ZNF646: variants seen among roughly 807,000 people sequenced by gnomAD.
The protein encoded by ZNF646 is zinc finger protein 646.
A neutral mutation model predicts 115.4 loss-of-function variants in ZNF646; 49 were observed. The ratio of observed to expected loss-of-function variants is 0.42; its 90% CI spans 0.34 to 0.54. ZNF646 has a LOEUF of 0.54. ZNF646 is among the 20% of genes least tolerant of loss of function. ZNF646 has a pLI of 0.04. For synonymous variants in ZNF646, 933 were observed against 939.0 expected (o/e 0.99, Z 0.12); for missense variants, 2,269 against 2,457.9 (o/e 0.92, Z 1.62).
In ZNF646 at chr16:31,080,026, C is replaced by T. The variant is rs1203711883; in HGVS notation, c.3702C>T (p.Ala1234=). ...AGACCGGCCACTTTGGCTGTCAGGC[C>T]TGCTCCAAGGGCTTCTCAAACCTCA... ...SHQTGHFGCQ[A]CSKGFSNLMS... is the part of the protein sequence containing the mutation. The change falls in exon 2 of 3, where the codon GCC becomes GCT. Residue 1234 remains alanine, a synonymous_variant. Coordinates refer to ENST00000300850, the MANE Select transcript of ZNF646 (RefSeq NM_014699.4). 3.7e-6 allele frequency: 6 copies of T among 1,606,928 alleles called. No individual in the cohort carries two copies. The Admixed American group carries it at 5.0e-5, about 13-fold the overall frequency.
intron 1 of ZNF646, 117 bp from the exon 2 acceptor site, chr16:31,076,129 C>T: frequency 1.6e-6 from 1 of 625,542 alleles, no homozygotes; most frequent in East Asian, 3.0e-5. Context: ...GAAATTAGGT[C>T]CTTGGGCATG....
In ZNF646 at chr16:31,080,597, C is replaced by A; in HGVS notation, c.4273C>A (p.Pro1425Thr). The change falls in exon 2 of 3, where the codon CCA (proline) becomes ACA (threonine). Residue 1425 changes from proline to threonine, a missense_variant. Pro to Thr is a conservative substitution (Grantham distance 38). Around this residue, in one of 5 missense-constraint regions of ZNF646, gnomAD observed 1,062 missense variants for 1,172.8 expected, o/e 0.91. Transcript: ENST00000300850. The stretch of plus-strand genomic sequence containing the variant: ...AGAGACCCAATTGGGTGGTGCTGAG[C>A]CAGTACCCCACTTGGAGGATGGAGT... ...GLETQLGGAE[P>T]VPHLEDGVPR... 1 of 1,614,100 alleles carries A rather than the reference C, an allele frequency of 6.2e-7. No homozygotes were observed. The highest frequency in any genetic ancestry group is 1.1e-5 in the South Asian group (1 of 91,082).
At chr16:31,074,238 G>A (rs907239229), upstream of ZNF646, 4 of 152,312 alleles carry the variant, frequency 2.6e-5, no homozygotes, top group African/African-American at 4.8e-5. Flanking sequence ...CGGAAGTGTG[G>A]CTAGCTTAGC....
Position 31,078,497 on chromosome 16 carries a change from A to G in ZNF646, c.2173A>G (p.Ser725Gly). The change falls in exon 2 of 3, where the codon AGT becomes GGT. Residue 725 changes from serine to glycine, a missense_variant. By Grantham distance (56) the Ser-to-Gly change is moderately conservative (BLOSUM62 0). This residue lies in a region of ZNF646 where 852 missense variants were observed against 900.2 expected (regional missense o/e 0.95). Transcript: ENST00000300850. The part of the protein sequence containing the change: ...SPHGAEGNLE[S>G]DGDCLQAESE... ...TCATGGGGCTGAAGGCAACCTGGAA[A>G]GTGATGGGGACTGTTTGCAGGCTGA... is the stretch of plus-strand genomic sequence containing the variant. 1.3e-6 allele frequency: 2 copies of G among 1,589,752 alleles called. No homozygotes were observed. Among genetic ancestry groups the G allele is most frequent in the Non-Finnish European group, 1.7e-6 (2 of 1,165,374 alleles).
chr16:31,079,108 A>G lies in ZNF646; in HGVS notation c.2784A>G (p.Ala928=). Residue 928 remains alanine (A), a synonymous_variant, in exon 2 of 3, where the codon GCA becomes GCG. Coordinates refer to ENST00000300850, the MANE Select transcript of ZNF646 (RefSeq NM_014699.4). This position sits in a 1 kb window ranked among gnomAD's most constrained non-coding sequence, Gnocchi z 5.5. Reference sequence around the variant, plus strand: ...AAGGAGTGGCAGAGGCAGCCCCTGCACGCAGTCCACCACTGCAGCTCTCGG... The same window carrying G: ...AAGGAGTGGCAGAGGCAGCCCCTGCGCGCAGTCCACCACTGCAGCTCTCGG... The part of the protein sequence containing the change: ...EEEGVAEAAP[A]RSPPLQLSEA... 6.3e-7 allele frequency: 1 copy of G among 1,585,948 alleles called. No individual in the cohort carries two copies. Among genetic ancestry groups the G allele is most frequent in the Non-Finnish European group, 8.6e-7 (1 of 1,162,888 alleles).
Position 31,083,102 on chromosome 16 carries a change from C to G in ZNF646, c.*10C>G. 18 of 1,602,234 alleles carry G rather than the reference C, an allele frequency of 1.1e-5. No individual in the cohort carries two copies. Among genetic ancestry groups the G allele is most frequent in the Non-Finnish European group, 1.5e-5 (18 of 1,175,376 alleles). On this transcript the variant is annotated 3_prime_UTR_variant, in exon 3 of 3. Transcript: ENST00000300850. ...CAGCTTCTCCCTCTGAACTTCAAGT[C>G]TCCAAAGATCAGAATCTGGGGGAGG...
Position 31,079,130 on chromosome 16 carries a change from T to C in ZNF646, c.2806T>C (p.Ser936Pro). 2 of 1,603,170 alleles carry C rather than the reference T, an allele frequency of 1.2e-6. No homozygotes were observed. Among genetic ancestry groups the C allele is most frequent in the Non-Finnish European group, 1.7e-6 (2 of 1,173,472 alleles). Residue 936 changes from serine to proline, a missense_variant, in exon 2 of 3, where the codon TCG (serine) becomes CCG (proline). Ser to Pro is a moderately conservative substitution (Grantham distance 74, BLOSUM62 -1). Coordinates refer to ENST00000300850, the MANE Select transcript of ZNF646 (RefSeq NM_014699.4). This position sits in a 1 kb window ranked among gnomAD's most constrained non-coding sequence, Gnocchi z 5.5. Reference sequence around the variant, plus strand: ...TGCACGCAGTCCACCACTGCAGCTCTCGGAAGCAGAGCTGCTGAATCAGCT... The same window carrying C: ...TGCACGCAGTCCACCACTGCAGCTCCCGGAAGCAGAGCTGCTGAATCAGCT... ...APARSPPLQL[S>P]EAELLNQLQR...
rs1445916974 is a variant in ZNF646 at position 31,079,955 on chromosome 16, TC to T, written c.3633del (p.Tyr1212ThrfsTer104). The T allele has an allele frequency of 6.2e-7, 1 of 1,610,632 alleles. No individual in the cohort carries two copies. The highest frequency in any genetic ancestry group is 1.1e-5 in the South Asian group (1 of 90,994). ...RPFSCEVCGR[S>X]YKHAGSLINH... is the part of the protein sequence containing the mutation. ...CTTCAGCTGCGAGGTGTGTGGCCGATCCTACAAGCACGCCGGCAGCCTCATC... is the reference window on the plus strand; with the variant it reads ...CTTCAGCTGCGAGGTGTGTGGCCGATCTACAAGCACGCCGGCAGCCTCATC... On this transcript the variant is annotated frameshift_variant, in exon 2 of 3. Transcript: ENST00000300850. LOFTEE classifies it high-confidence loss of function. The surrounding 1 kb of genome is among the most constrained non-coding windows in gnomAD (Gnocchi z 5.5).
rs777313082 is a variant in ZNF646, at chr16:31,076,882, C to G, written c.558C>G (p.Gly186=). The change falls in exon 2 of 3, where the codon GGC becomes GGG. Residue 186 remains glycine (G), a synonymous_variant. Coordinates refer to ENST00000300850, the MANE Select transcript of ZNF646 (RefSeq NM_014699.4). ...SHPGPEDGAD[G]WGPSTNSARA... is the part of the protein sequence containing the mutation. ...CAGGTCCTGAGGATGGTGCAGACGG[C>G]TGGGGACCCTCCACTAACTCTGCCA... 14 of 1,613,978 alleles carry G rather than the reference C, an allele frequency of 8.7e-6. No individual in the cohort carries two copies. The African/African-American group carries it at 1.9e-4, about 22-fold the overall frequency.
At position 31,080,812 on chromosome 16, in the gene ZNF646, T is replaced by A. The variant is rs748886066; in HGVS notation, c.4488T>A (p.Ser1496Arg). The A allele has an allele frequency of 6.2e-7, 1 of 1,613,792 alleles. No individual in the cohort carries two copies. Among genetic ancestry groups the A allele is most frequent in the South Asian group, 1.1e-5 (1 of 91,080 alleles). ...AGCCAGAGGACAGTGTCCACAGGAG[T>A]CCTTGCCACGCTGGTGACTGCCAGC... ...SEEPEDSVHR[S>R]PCHAGDCQLN... is the part of the protein sequence containing the mutation. Residue 1496 changes from serine to arginine, a missense_variant, in exon 2 of 3, where the codon AGT becomes AGA. Ser to Arg is a moderately radical substitution (Grantham distance 110). This residue lies in a region of ZNF646 where 1,062 missense variants were observed against 1,172.8 expected (regional missense o/e 0.91). Coordinates refer to ENST00000300850, the MANE Select transcript of ZNF646 (RefSeq NM_014699.4).
In ZNF646 at chr16:31,079,040, T is replaced by A. The variant is rs149125224; in HGVS notation, c.2716T>A (p.Ser906Thr). The change falls in exon 2 of 3, where the codon TCC becomes ACC. Residue 906 changes from serine to threonine, a missense_variant. This residue lies in a region of ZNF646 where 852 missense variants were observed against 900.2 expected (regional missense o/e 0.95). Transcript: ENST00000300850. The surrounding 1 kb of genome is among the most constrained non-coding windows in gnomAD (Gnocchi z 5.5). ...GCTTCACCGGCGCCAGGCCCACAGC[T>A]CCTCTGGCATGACTGAGGGCTCAGA... is the stretch of plus-strand genomic sequence containing the variant. Reference protein sequence around the residue: ...YRLHRRQAHSSSGMTEGSEEE... With the variant: ...YRLHRRQAHSTSGMTEGSEEE... 48 of 1,581,652 alleles carry A rather than the reference T, an allele frequency of 3.0e-5. No homozygotes were observed. The highest frequency in any genetic ancestry group is 2.9e-4 in the East Asian group (13 of 44,428).
rs2057198139 is a variant in ZNF646, at chr16:31,083,951, C to T, written c.*859C>T. ...CTGAGGCTCAAAGCGGTTGAGCAGC[C>T]TGCTCCAAGTCACACGATGACAAAG... On this transcript the variant is annotated 3_prime_UTR_variant, in exon 3 of 3. Transcript: ENST00000300850. 7.2e-6 allele frequency: 11 copies of T among 1,518,538 alleles called. No individual in the cohort carries two copies. In the Admixed American group the frequency reaches 2.3e-4, roughly 31 times the overall value. The allele number at this position is 1,518,538 out of a possible 1,614,324, so 94.1% of individuals were successfully genotyped here.
chr16:31,083,926 CTGAG>C lies in ZNF646; in HGVS notation c.*835_*838del, dbSNP rs1216902073. ...TTGGCCGCCATGACAGATGAGAATA[CTGAG>C]GCTCAAAGCGGTTGAGCAGCCTGCT... On this transcript the variant is annotated 3_prime_UTR_variant, in exon 3 of 3. Coordinates refer to ENST00000300850, the MANE Select transcript of ZNF646 (RefSeq NM_014699.4). 5.9e-6 allele frequency: 9 copies of C among 1,537,336 alleles called. No homozygotes were observed. The highest frequency in any genetic ancestry group is 1.4e-5 in the African/African-American group (1 of 73,134).
Position 31,081,245 on chromosome 16 carries a change from G to T in ZNF646, c.4921G>T (p.Ala1641Ser), listed in dbSNP as rs1227205702. The T allele has an allele frequency of 6.3e-7, 1 of 1,598,662 alleles. No homozygotes were observed. Among genetic ancestry groups the T allele is most frequent in the Non-Finnish European group, 8.5e-7 (1 of 1,171,130 alleles). Reference sequence around the variant, plus strand: ...GGTGGTTCTCCCTGGTCAAGGGAAAGCCCAGGAGGCCCCATCAGAAACCCC... The same window carrying T: ...GGTGGTTCTCCCTGGTCAAGGGAAATCCCAGGAGGCCCCATCAGAAACCCC... ...DQVVLPGQGK[A>S]QEAPSETPRG... Residue 1641 changes from alanine (A) to serine (S), a missense_variant, in exon 2 of 3, where the codon GCC becomes TCC. This residue lies in a region of ZNF646 where 1,062 missense variants were observed against 1,172.8 expected (regional missense o/e 0.91). Coordinates refer to ENST00000300850, the MANE Select transcript of ZNF646 (RefSeq NM_014699.4).
chr16:31,076,524 G>A lies in ZNF646; in HGVS notation c.200G>A (p.Arg67His), dbSNP rs755048148. ...YRHPGSLVNHRRTHETGLFPC... is the reference protein window; with the variant it reads ...YRHPGSLVNHHRTHETGLFPC... The stretch of plus-strand genomic sequence containing the variant: ...CACCCCGGGAGCCTGGTTAACCATC[G>A]TCGGACCCACGAGACTGGCCTTTTC... Residue 67 changes from arginine to histidine, a missense_variant, in exon 2 of 3, where the codon CGT becomes CAT. Transcript: ENST00000300850. The A allele has an allele frequency of 1.1e-5, 18 of 1,613,352 alleles. No individual in the cohort carries two copies. The highest frequency in any genetic ancestry group is 2.2e-5 in the South Asian group (2 of 91,076).
chr16:31,075,986 G>A (rs1029663074), intron 1 of ZNF646: 1 of 250,348 alleles, frequency 4.0e-6, no homozygotes, highest in South Asian at 1.2e-4. Flanking sequence ...TCAGAAGTAG[G>A]TTGCATCTCT....
rs2057075741 is a variant in ZNF646, at chr16:31,076,393, C to T, written c.69C>T (p.Leu23=). The T allele has an allele frequency of 2.5e-6, 4 of 1,613,972 alleles. No homozygotes were observed. The highest frequency in any genetic ancestry group is 1.3e-5 in the African/African-American group (1 of 74,906). ...CQRHFPSLPE[L]SRHRELLHPS... ...GCCACTTTCCCAGCCTCCCAGAGCTCTCTCGGCACCGAGAACTGCTCCATC... is the reference window on the plus strand; with the variant it reads ...GCCACTTTCCCAGCCTCCCAGAGCTTTCTCGGCACCGAGAACTGCTCCATC... The change falls in exon 2 of 3, where the codon CTC becomes CTT. Residue 23 remains leucine (L), a synonymous_variant. Transcript: ENST00000300850.
At chr16:31,073,212 G>A (rs976028808), upstream of ZNF646, 1 of 152,466 alleles carries the variant, frequency 6.6e-6, no homozygotes, top group African/African-American at 2.4e-5. Context: ...AGGATGAGGA[G>A]ATGAACAAAT....
At chr16:31,081,880 C>A (rs926697488) in intron 2 of ZNF646, 179 bp downstream of exon 2, 1 of 1,089,478 alleles carries the variant, frequency 9.2e-7, no homozygotes, top group Non-Finnish European at 1.3e-6. Flanking sequence ...GCTGAGCACC[C>A]GCAAGTCAGG....
Sources: gnomAD v4.1 joint callset for allele counts on GRCh38, gnomAD v4.1.1 for gene constraint, gnomAD v4.1.1 regional missense constraint, Gnocchi (gnomAD v3.1) non-coding constraint, MANE v1.5 for transcripts, NCBI Gene and HGNC (gene_info 2026-07-23, HGNC 2026-07-21) for gene names.